CCSER1: variants seen among roughly 807,000 people sequenced by gnomAD.
The protein encoded by CCSER1 is serine-rich coiled-coil domain-containing protein 1.
Under a neutral mutation model 82.0 loss-of-function variants are expected in CCSER1, and 41 were observed. The observed-to-expected ratio is 0.50, with a 90% confidence interval of 0.39 to 0.65. The LOEUF is 0.65. CCSER1 is among the 30% of genes least tolerant of loss of function. The pLI, the probability that CCSER1 is intolerant of heterozygous loss-of-function variation, is 0.00. For synonymous variants in CCSER1, 414 were observed against 383.9 expected, an observed-to-expected ratio of 1.08 and a Z score of -0.92; for missense variants, 1,119 against 1,064.2, an observed-to-expected ratio of 1.05 and a Z score of -0.72.
At chr4:90,153,329 A>C (rs901851606) in intron 1 of CCSER1, among the ~76,000 whole-genome samples, 1 of 152,084 alleles carries the variant, frequency 6.6e-6, no homozygotes, top group East Asian at 1.9e-4. Flanking sequence ...TATTGTGAAT[A>C]GTGCCGCAAT....
At chr4:90,927,367 G>A (rs1230597861) in intron 9 of CCSER1, among the ~76,000 whole-genome samples, 1 of 151,952 alleles carries the variant, frequency 6.6e-6, no homozygotes, top group Non-Finnish European at 1.5e-5. Context: ...GAACTTGGCA[G>A]TGTTTTCTTT....
intron 9 of CCSER1, among the ~76,000 whole-genome samples, chr4:91,039,097 T>C (rs1741694306): frequency 6.6e-6 from 1 of 152,150 alleles, no homozygotes; most frequent in Non-Finnish European, 1.5e-5. Flanking sequence ...GGCACAATCA[T>C]AGCTCACTGC....
Position 90,276,294 on chromosome 4 carries a change from CCTTCCTTCCTTCCTTT to C in CCSER1, c.-41-31946_-41-31931del, listed in dbSNP as rs1194878822. Among the ~76,000 whole-genome samples, 272 of 127,250 alleles carry C rather than the reference CCTTCCTTCCTTCCTTT, an allele frequency of 2.1e-3. 5 individuals are homozygous for C. The highest frequency in any genetic ancestry group is 9.2e-3 in the South Asian group (34 of 3,692). The allele number at this position is 127,250 out of a possible 152,430, so 83.5% of individuals were successfully genotyped here. ...TCCTTCCTTCCTTCCTTCCTTCCTT[CCTTCCTTCCTTCCTTT>C]CTTTCTTTTTCTTTCTTTCTTTCTT... On this transcript the variant is annotated intron_variant, in intron 1 of 10. Coordinates refer to ENST00000509176, the MANE Select transcript of CCSER1 (RefSeq NM_001145065.2).
At chr4:91,257,623 C>G (rs1419206630) in intron 10 of CCSER1, among the ~76,000 whole-genome samples, 1 of 151,904 alleles carries the variant, frequency 6.6e-6, no homozygotes, top group East Asian at 1.9e-4. Context: ...TAAAAATTAT[C>G]TTAATTAAGA....
At chr4:90,482,226 T>A (rs1766124396) in intron 5 of CCSER1, among the ~76,000 whole-genome samples, 2 of 152,012 alleles carry the variant, frequency 1.3e-5, no homozygotes, top group African/African-American at 4.8e-5. Context: ...TATCCCCTTT[T>A]TCATTTTTTA....
chr4:91,203,266 A>T (rs1736076389), intron 10 of CCSER1, among the ~76,000 whole-genome samples: 1 of 151,850 alleles, frequency 6.6e-6, no homozygotes, highest in South Asian at 2.1e-4. Context: ...GCTTTTTTTC[A>T]TGTGGCAGAC....
chr4:90,416,669 T>G (rs568260106), intron 4 of CCSER1, among the ~76,000 whole-genome samples: 186 of 152,312 alleles, frequency 1.2e-3, no homozygotes, highest in African/African-American at 4.4e-3. Context: ...GGTTATTTTT[T>G]GTAGACCCTA....
intron 10 of CCSER1, among the ~76,000 whole-genome samples, chr4:91,156,498 T>A (rs1560475347): frequency 6.6e-6 from 1 of 151,548 alleles, no homozygotes; most frequent in African/African-American, 2.4e-5. Flanking sequence ...TTCAAATAAC[T>A]TTTAGGGTCA....
chr4:90,525,896 T>G (rs1773699982), intron 5 of CCSER1, among the ~76,000 whole-genome samples: 1 of 152,150 alleles, frequency 6.6e-6, no homozygotes, highest in Admixed American at 6.6e-5. Context: ...CGCCTCAGCC[T>G]TCATAACTTC....
intron 10 of CCSER1, among the ~76,000 whole-genome samples, chr4:91,341,039 G>A (rs1164519501): frequency 6.6e-6 from 1 of 152,154 alleles, no homozygotes; most frequent in East Asian, 1.9e-4. Flanking sequence ...AATATTAAAT[G>A]ACTTGTGGAG....
intron 5 of CCSER1, among the ~76,000 whole-genome samples, chr4:90,546,661 TA>T (rs936777650): frequency 2.6e-5 from 4 of 152,104 alleles, no homozygotes; most frequent in Non-Finnish European, 5.9e-5. Context: ...TGACTTTTAA[TA>T]AAAAAAATTT....
chr4:90,808,756 T>G (rs1757850351), intron 7 of CCSER1, among the ~76,000 whole-genome samples: 1 of 152,160 alleles, frequency 6.6e-6, no homozygotes, highest in Non-Finnish European at 1.5e-5. Context: ...ATGGATGTGG[T>G]AAATGGTGAA....
chr4:90,521,745 A>G (rs1237679343), intron 5 of CCSER1, among the ~76,000 whole-genome samples: 1 of 151,418 alleles, frequency 6.6e-6, no homozygotes, highest in African/African-American at 2.4e-5. Context: ...CTACTGACTT[A>G]TTTTCTTTAT....
At position 91,462,573 on chromosome 4, in the gene CCSER1, G is replaced by T. The variant is rs151240348; in HGVS notation, c.2218-135999G>T. ...AGCAGGGCACGGCATCGCCTCACCC[G>T]GGAAGTGCAAGGGGTCAAGGAATTC... On this transcript the variant is annotated intron_variant, in intron 10 of 10. Coordinates refer to ENST00000509176, the MANE Select transcript of CCSER1 (RefSeq NM_001145065.2). Among the ~76,000 whole-genome samples the T allele has an allele frequency of 6.0e-3, 912 of 152,192 alleles. 5 individuals are homozygous for T. Among genetic ancestry groups the T allele is most frequent in the African/African-American group, 0.018 (749 of 41,550 alleles).
At chr4:90,497,575 A>C (rs943857597) in intron 5 of CCSER1, among the ~76,000 whole-genome samples, 1 of 152,194 alleles carries the variant, frequency 6.6e-6, no homozygotes. Flanking sequence ...GTTGTTTTTA[A>C]CCTTGCCAGA....
chr4:90,203,094 A>G (rs1219060702), intron 1 of CCSER1, among the ~76,000 whole-genome samples: 2 of 152,216 alleles, frequency 1.3e-5, no homozygotes, highest in East Asian at 1.9e-4. Flanking sequence ...AGAAACAACT[A>G]TGATTTCTGT....
chr4:91,242,476 A>C (rs1326417580), intron 10 of CCSER1, among the ~76,000 whole-genome samples: 1 of 152,200 alleles, frequency 6.6e-6, no homozygotes, highest in East Asian at 1.9e-4. Context: ...CAGACCTTAC[A>C]TCTTTCATAA....
intron 10 of CCSER1, among the ~76,000 whole-genome samples, chr4:91,136,589 C>A (rs1728490180): frequency 6.6e-6 from 1 of 151,958 alleles, no homozygotes; most frequent in Non-Finnish European, 1.5e-5. Flanking sequence ...TGGGAGAATT[C>A]TTTGTGTTTT....
chr4:91,249,088 A>G (rs1309916941), intron 10 of CCSER1, among the ~76,000 whole-genome samples: 1 of 152,180 alleles, frequency 6.6e-6, no homozygotes, highest in Non-Finnish European at 1.5e-5. Context: ...TAAATCACAT[A>G]AATCAAGTAG....
Sources: allele counts gnomAD v4.1 joint callset (sites outside exome capture counted in the v4.1 genomes callset), GRCh38; gene constraint gnomAD v4.1.1; transcripts MANE v1.5; gene names NCBI Gene and HGNC (gene_info 2026-07-23, HGNC 2026-07-21).